SGCZ: variants seen among roughly 807,000 people sequenced by gnomAD.
SGCZ encodes sarcoglycan zeta, also known as zeta-sarcoglycan.
Under a neutral mutation model 41.3 loss-of-function variants are expected in SGCZ, and 40 were observed. The ratio of observed to expected loss-of-function variants is 0.97; its 90% CI spans 0.75 to 1.26. The LOEUF is 1.26. Among genes scored for constraint, SGCZ ranks in the 50% most tolerant of loss-of-function variants. SGCZ has a pLI of 0.00. For synonymous variants in SGCZ, 206 were observed against 137.5 expected (o/e 1.50, Z -3.49); for missense variants, 552 against 369.8 (o/e 1.49, Z -4.04).
At chr8:14,902,594 A>G (rs1392512567) in intron 1 of SGCZ, among the ~76,000 whole-genome samples, 1 of 152,224 alleles carries the variant, frequency 6.6e-6, no homozygotes, top group East Asian at 1.9e-4. Context: ...TGTACTCACC[A>G]TAACATGAAT....
chr8:14,762,693 T>G (rs2130361688), intron 1 of SGCZ, among the ~76,000 whole-genome samples: 1 of 152,308 alleles, frequency 6.6e-6, no homozygotes, highest in Middle Eastern at 3.4e-3. Flanking sequence ...AACTTTATCT[T>G]TTTTCTGTCT....
At chr8:14,855,315 G>A (rs139188262) in intron 1 of SGCZ, among the ~76,000 whole-genome samples, 1 of 152,260 alleles carries the variant, frequency 6.6e-6, no homozygotes, top group African/African-American at 2.4e-5. Flanking sequence ...CTCACAAAGT[G>A]CTGGGATTTC....
At chr8:14,185,897 C>G (rs918140686) in intron 4 of SGCZ, among the ~76,000 whole-genome samples, 2 of 152,160 alleles carry the variant, frequency 1.3e-5, no homozygotes, top group Admixed American at 6.5e-5. Flanking sequence ...TAAATAATAT[C>G]TACATGTTGA....
At chr8:14,867,863 T>C (rs925736577) in intron 1 of SGCZ, among the ~76,000 whole-genome samples, 2 of 149,024 alleles carry the variant, frequency 1.3e-5, no homozygotes, top group South Asian at 2.1e-4. Context: ...CAAACCCCCA[T>C]GACACAGGTT....
At chr8:14,940,807 G>C (rs1437859422) in intron 1 of SGCZ, among the ~76,000 whole-genome samples, 1 of 151,984 alleles carries the variant, frequency 6.6e-6, no homozygotes, top group Non-Finnish European at 1.5e-5. Flanking sequence ...AATGAAGTCA[G>C]AAGTGAAACC....
chr8:14,592,450 G>T (rs1217572788), intron 1 of SGCZ, among the ~76,000 whole-genome samples: 1 of 151,774 alleles, frequency 6.6e-6, no homozygotes, highest in Non-Finnish European at 1.5e-5. Context: ...TTTTCAATTG[G>T]CATTCTAATG....
At chr8:14,465,353 T>C (rs1030413480) in intron 2 of SGCZ, among the ~76,000 whole-genome samples, 9 of 151,754 alleles carry the variant, frequency 5.9e-5, no homozygotes, top group African/African-American at 2.2e-4. Flanking sequence ...TAAGAATCTA[T>C]TTTGTCTGAT....
rs184282386 is a variant in SGCZ at position 14,891,724 on chromosome 8, T to G, written c.40-336798A>C. On this transcript the variant is annotated intron_variant, in intron 1 of 7. Coordinates refer to ENST00000382080, the MANE Select transcript of SGCZ (RefSeq NM_139167.4). ...AAACGGAGAGCATGCTACAGAGAAATCTTTGGTAAAAGGAAGAGTCAATCA... is the reference window on the plus strand; with the variant it reads ...AAACGGAGAGCATGCTACAGAGAAAGCTTTGGTAAAAGGAAGAGTCAATCA... Among the ~76,000 whole-genome samples the G allele has an allele frequency of 4.5e-3, 678 of 152,286 alleles. 1 individual carries two copies. The highest frequency in any genetic ancestry group is 0.024 in the Middle Eastern group (7 of 294).
intron 1 of SGCZ, among the ~76,000 whole-genome samples, chr8:15,072,335 C>T (rs1338427370): frequency 2.0e-5 from 3 of 152,114 alleles, no homozygotes; most frequent in African/African-American, 7.2e-5. Context: ...AATTATATAT[C>T]CATGGTGTGG....
At chr8:14,800,063 G>A (rs1443662589) in intron 1 of SGCZ, among the ~76,000 whole-genome samples, 2 of 152,036 alleles carry the variant, frequency 1.3e-5, no homozygotes, top group Non-Finnish European at 2.9e-5. Context: ...AAACCATTAT[G>A]TACTCTACCT....
intron 2 of SGCZ, among the ~76,000 whole-genome samples, chr8:14,411,631 A>G (rs1224655487): frequency 1.3e-5 from 2 of 152,106 alleles, no homozygotes; most frequent in Non-Finnish European, 2.9e-5. Context: ...ACTTTAGAGC[A>G]TCATATACCC....
At chr8:15,225,276 A>G (rs1801729842) in intron 1 of SGCZ, among the ~76,000 whole-genome samples, 1 of 152,090 alleles carries the variant, frequency 6.6e-6, no homozygotes, top group African/African-American at 2.4e-5. Context: ...AAAGCGTACA[A>G]TGCAGCTAAA....
chr8:14,767,804 CACTA>C (rs974722294), intron 1 of SGCZ, among the ~76,000 whole-genome samples: 1 of 152,122 alleles, frequency 6.6e-6, no homozygotes, highest in African/African-American at 2.4e-5. Context: ...CTGTGAAAAC[CACTA>C]AAGACTTCTT....
intron 1 of SGCZ, among the ~76,000 whole-genome samples, chr8:15,068,335 G>C (rs1805227622): frequency 6.6e-6 from 1 of 152,100 alleles, no homozygotes; most frequent in Non-Finnish European, 1.5e-5. Flanking sequence ...TCTCTTTTCA[G>C]TGAGGCCCAC....
chr8:14,938,852 C>G (rs1015229982), intron 1 of SGCZ, among the ~76,000 whole-genome samples: 2 of 151,886 alleles, frequency 1.3e-5, no homozygotes, highest in African/African-American at 4.8e-5. Context: ...ATTACAGATG[C>G]AACCTCCCAT....
intron 1 of SGCZ, among the ~76,000 whole-genome samples, chr8:14,858,230 A>G (rs1803606853): frequency 1.3e-5 from 2 of 151,892 alleles, no homozygotes; most frequent in Non-Finnish European, 2.9e-5. Context: ...TATTAATGAG[A>G]AATTAAGATA....
At chr8:15,056,542 G>C (rs1438395091) in intron 1 of SGCZ, among the ~76,000 whole-genome samples, 1 of 136,612 alleles carries the variant, frequency 7.3e-6, no homozygotes, top group East Asian at 2.0e-4. Context: ...ATGTAGGTGA[G>C]CAAAAAAAAA....
intron 3 of SGCZ, among the ~76,000 whole-genome samples, chr8:14,240,115 C>T (rs910116766): frequency 5.9e-5 from 9 of 151,284 alleles, no homozygotes; most frequent in Non-Finnish European, 1.2e-4. Flanking sequence ...TCACCTGAGG[C>T]CAGGAGTTTG....
chr8:14,627,639 TC>T (rs201672470), intron 1 of SGCZ, among the ~76,000 whole-genome samples: 4,535 of 152,240 alleles, frequency 0.03, 103 homozygotes, highest in Non-Finnish European at 0.047. Context: ...GCACTTTTTT[TC>T]CTATGAAATA....
Sources: gnomAD v4.1 joint callset for allele counts (sites outside exome capture counted in the v4.1 genomes callset) on GRCh38, gnomAD v4.1.1 for gene constraint, MANE v1.5 for transcripts, NCBI Gene and HGNC (gene_info 2026-07-23, HGNC 2026-07-21) for gene names.